Variants in GPC5 observed in about 807,000 individuals in gnomAD.
GPC5 encodes glypican-5.
In GPC5, 47 loss-of-function variants were observed where a neutral mutation model predicts 53.9. That is an observed-to-expected ratio of 0.87 (90% CI 0.69 to 1.11). GPC5 has a LOEUF of 1.11. Ranked by LOEUF, GPC5 falls within the 50% of genes most tolerant of loss-of-function variation. The pLI, the probability that GPC5 is intolerant of heterozygous loss-of-function variation, is 0.00. For missense variants in GPC5, 748 were observed against 713.1 expected (o/e 1.05, Z -0.56); for synonymous variants, 286 against 263.3 (o/e 1.09, Z -0.84).
chr13:92,285,433 C>G (rs2042947158), intron 7 of GPC5, among the ~76,000 whole-genome samples: 1 of 152,060 alleles, frequency 6.6e-6, no homozygotes, highest in Non-Finnish European at 1.5e-5. Flanking sequence ...ACATTGCCAA[C>G]TCAATCCTAA....
intron 3 of GPC5, among the ~76,000 whole-genome samples, chr13:91,695,350 A>G (rs2035856749): frequency 1.3e-5 from 2 of 152,124 alleles, no homozygotes; most frequent in South Asian, 4.1e-4. Flanking sequence ...GATCCAGGGA[A>G]CAAAATGCTC....
intron 7 of GPC5, among the ~76,000 whole-genome samples, chr13:92,672,589 T>C (rs1387111197): frequency 6.6e-6 from 1 of 152,158 alleles, no homozygotes; most frequent in Non-Finnish European, 1.5e-5. Context: ...ATGCATATGC[T>C]CACTGCAGCA....
At chr13:92,499,874 C>T (rs569478477) in intron 7 of GPC5, among the ~76,000 whole-genome samples, 1 of 152,102 alleles carries the variant, frequency 6.6e-6, no homozygotes, top group Non-Finnish European at 1.5e-5. Flanking sequence ...TACCTACATG[C>T]AACTATGAAT....
intron 6 of GPC5, among the ~76,000 whole-genome samples, chr13:92,058,287 G>A (rs558449989): frequency 1.1e-4 from 16 of 152,136 alleles, no homozygotes; most frequent in African/African-American, 3.1e-4. Context: ...TTGGCCTCCC[G>A]TAGTGGTGGA....
At chr13:92,805,259 C>A (rs1427767172) in intron 7 of GPC5, among the ~76,000 whole-genome samples, 4 of 151,996 alleles carry the variant, frequency 2.6e-5, no homozygotes, top group Admixed American at 6.6e-5. Flanking sequence ...GCAGCTACAG[C>A]CTTACAAAAT....
At chr13:92,598,047 T>G (rs959144797) in intron 7 of GPC5, among the ~76,000 whole-genome samples, 3 of 152,206 alleles carry the variant, frequency 2.0e-5, no homozygotes, top group Non-Finnish European at 4.4e-5. Flanking sequence ...TCAAGGTTCC[T>G]AGGTCATTCC....
intron 6 of GPC5, among the ~76,000 whole-genome samples, chr13:91,919,458 G>A (rs1007023270): frequency 1.3e-5 from 2 of 152,162 alleles, no homozygotes; most frequent in Admixed American, 6.5e-5. Flanking sequence ...GACTGATCAT[G>A]TCAATACCCA....
chr13:92,035,378 A>T lies in GPC5; in HGVS notation c.1402-109452A>T, dbSNP rs962341613. Among the ~76,000 whole-genome samples, 9 of 152,088 alleles carry T rather than the reference A, an allele frequency of 5.9e-5. No homozygotes were observed. In the East Asian group the frequency reaches 1.4e-3, roughly 23 times the overall value. On this transcript the variant is annotated intron_variant, in intron 6 of 7. Transcript: ENST00000377067. ...CATTGTGTTGGAGTTCTTGGCATAG[A>T]TTTTATTTTGTTTATATGTCTTTTA...
At chr13:92,252,722 A>G (rs2042700842) in intron 7 of GPC5, among the ~76,000 whole-genome samples, 1 of 152,160 alleles carries the variant, frequency 6.6e-6, no homozygotes, top group South Asian at 2.1e-4. Context: ...AAAAATGGAA[A>G]GTAGGATTTG....
intron 5 of GPC5, among the ~76,000 whole-genome samples, chr13:91,893,490 C>T (rs570770418): frequency 5.0e-4 from 76 of 152,004 alleles, no homozygotes; most frequent in Non-Finnish European, 6.0e-4. Flanking sequence ...ATCATGTAGA[C>T]ACAACATATA....
chr13:92,866,250 C>A (rs759765428), intron 7 of GPC5, 32 bp from the exon 8 acceptor site: 2 of 1,586,708 alleles, frequency 1.3e-6, no homozygotes, highest in South Asian at 2.3e-5. Context: ...AGTGGTCATG[C>A]ATCACCTGTG....
chr13:91,638,036 G>C (rs1566572138), intron 2 of GPC5, among the ~76,000 whole-genome samples: 1 of 152,228 alleles, frequency 6.6e-6, no homozygotes, highest in African/African-American at 2.4e-5. Flanking sequence ...GAGAGAAAAA[G>C]GAAGAGCTCA....
chr13:91,515,383 G>A (rs1885443958), intron 2 of GPC5, among the ~76,000 whole-genome samples: 1 of 152,104 alleles, frequency 6.6e-6, no homozygotes, highest in South Asian at 2.1e-4. Flanking sequence ...CAAAGAGAAT[G>A]GGAATTAATA....
rs1340745892 is a variant in GPC5 at position 92,174,805 on chromosome 13, G to A, written c.1561+29816G>A. ...ATTTAAAATGTTATCGTAAAGTGCA[G>A]AGTACCATTAAAATAACACACTGTG... On this transcript the variant is annotated intron_variant, in intron 7 of 7. Coordinates refer to ENST00000377067, the MANE Select transcript of GPC5 (RefSeq NM_004466.6). Among the ~76,000 whole-genome samples, 4 of 152,182 alleles carry A rather than the reference G, an allele frequency of 2.6e-5. No homozygotes were observed. The East Asian group carries it at 5.8e-4, about 22-fold the overall frequency.
intron 7 of GPC5, among the ~76,000 whole-genome samples, chr13:92,415,341 C>T (rs1876240344): frequency 6.6e-6 from 1 of 151,866 alleles, no homozygotes. Context: ...TAATGTGGTC[C>T]AATGGAGGGT....
intron 7 of GPC5, among the ~76,000 whole-genome samples, chr13:92,533,050 T>C (rs937118808): frequency 6.6e-6 from 1 of 152,176 alleles, no homozygotes; most frequent in Non-Finnish European, 1.5e-5. Flanking sequence ...ATGGAAAAAA[T>C]ATATTCTTCA....
At chr13:91,818,861 G>A (rs1463544342) in intron 5 of GPC5, among the ~76,000 whole-genome samples, 1 of 152,128 alleles carries the variant, frequency 6.6e-6, no homozygotes, top group Non-Finnish European at 1.5e-5. Context: ...AGTTGAGTCC[G>A]TCCTCATGTG....
At chr13:92,632,897 G>A (rs2139135471) in intron 7 of GPC5, among the ~76,000 whole-genome samples, 1 of 152,048 alleles carries the variant, frequency 6.6e-6, no homozygotes, top group African/African-American at 2.4e-5. Context: ...TGTTTGTTTT[G>A]TTTTGTTTTT....
chr13:92,664,397 AC>A (rs1886501948), intron 7 of GPC5, among the ~76,000 whole-genome samples: 1 of 148,862 alleles, frequency 6.7e-6, no homozygotes, highest in African/African-American at 2.5e-5. Flanking sequence ...GCAGCATTTT[AC>A]TTCCTTCTTC....
Sources: gnomAD v4.1 joint callset for allele counts (sites outside exome capture counted in the v4.1 genomes callset) on GRCh38, gnomAD v4.1.1 for gene constraint, MANE v1.5 for transcripts, NCBI Gene and HGNC (gene_info 2026-07-23, HGNC 2026-07-21) for gene names.